The following ENOX2 variants were observed in gnomAD, a reference collection of about 807,000 sequenced individuals.
The protein encoded by ENOX2 is ecto-NOX disulfide-thiol exchanger 2.
A neutral mutation model predicts 45.0 loss-of-function variants in ENOX2; 36 were observed. The ratio of observed to expected loss-of-function variants is 0.80; its 90% CI spans 0.61 to 1.06. The LOEUF is 1.06. Ranked by LOEUF, ENOX2 falls within the 50% of genes least tolerant of loss-of-function variation. ENOX2 has a pLI of 0.00. For synonymous variants in ENOX2, 174 were observed against 152.3 expected (o/e 1.14, Z -1.05); for missense variants, 423 against 462.5 (o/e 0.91, Z 0.78).
intron 2 of ENOX2, among the ~76,000 whole-genome samples, chrX:130,813,028 T>A (rs2077418750): frequency 1.8e-5 from 2 of 112,255 alleles, no homozygotes; most frequent in Admixed American, 9.4e-5. Context: ...AAATGCTCAT[T>A]GGAGTATTTC....
intron 2 of ENOX2, among the ~76,000 whole-genome samples, chrX:130,889,201 G>A (rs1371846911): frequency 8.9e-6 from 1 of 111,739 alleles, no homozygotes; most frequent in Non-Finnish European, 1.9e-5. Context: ...GGGATCTTTG[G>A]TTCAGCCAAA....
intron 2 of ENOX2, among the ~76,000 whole-genome samples, chrX:130,822,090 A>G (rs746447742): frequency 3.3e-3 from 350 of 106,544 alleles, no homozygotes; most frequent in African/African-American, 0.011. Context: ...AAAAAAAAAA[A>G]AGAGAGAGAA....
chrX:130,637,156 G>T, intron 11 of ENOX2, 73 bp downstream of exon 11: 3 of 826,266 alleles, frequency 3.6e-6, no homozygotes, highest in East Asian at 3.1e-5. Flanking sequence ...CAATTTGATT[G>T]CAGGGGACCC....
chrX:130,851,641 T>G (rs2078212902), intron 2 of ENOX2, among the ~76,000 whole-genome samples: 1 of 111,447 alleles, frequency 9.0e-6, no homozygotes, highest in Admixed American at 9.5e-5. Flanking sequence ...AATGACATCT[T>G]AGGGAAAAGG....
intron 3 of ENOX2, among the ~76,000 whole-genome samples, chrX:130,754,674 A>C (rs1170543918): frequency 9.0e-6 from 1 of 110,973 alleles, no homozygotes; most frequent in Non-Finnish European, 1.9e-5. Flanking sequence ...CTTATAAGTG[A>C]GAGCTAAACA....
chrX:130,854,741 T>A (rs2078276981), intron 2 of ENOX2, among the ~76,000 whole-genome samples: 1 of 111,711 alleles, frequency 9.0e-6, no homozygotes, highest in Admixed American at 9.5e-5. Flanking sequence ...TTGAGGCTTA[T>A]TACAGGGATG....
intron 6 of ENOX2, among the ~76,000 whole-genome samples, chrX:130,673,100 C>T (rs2037032998): frequency 8.9e-6 from 1 of 112,270 alleles, no homozygotes; most frequent in Admixed American, 9.4e-5. Context: ...TTAAACTGCA[C>T]AGCACAATAG....
chrX:130,872,032 C>T (rs1569326728), intron 2 of ENOX2, among the ~76,000 whole-genome samples: 1 of 111,996 alleles, frequency 8.9e-6, no homozygotes. Context: ...TCCTTCCCCA[C>T]CCACTCTGCT....
intron 2 of ENOX2, among the ~76,000 whole-genome samples, chrX:130,792,622 G>A (rs373824724): frequency 2.0e-4 from 22 of 110,711 alleles, no homozygotes; most frequent in Admixed American, 1.6e-3. Context: ...GTGAAACCCC[G>A]TCTCTACTAA....
chrX:130,632,375 G>A (rs1386009170), intron 12 of ENOX2, among the ~76,000 whole-genome samples: 6 of 51,440 alleles, frequency 1.2e-4, no homozygotes, highest in African/African-American at 4.0e-4. Flanking sequence ...GGGGGGGGGG[G>A]GTGGTCCTAA....
At chrX:130,759,183 A>G (rs916970312) in intron 3 of ENOX2, among the ~76,000 whole-genome samples, 15 of 111,391 alleles carry the variant, frequency 1.3e-4, no homozygotes, top group African/African-American at 4.2e-4. Flanking sequence ...TTATAATTTT[A>G]TATTTTAAAT....
chrX:130,887,028 G>A (rs866277796), intron 2 of ENOX2, among the ~76,000 whole-genome samples: 9 of 111,809 alleles, frequency 8.0e-5, no homozygotes, highest in South Asian at 3.8e-4. Flanking sequence ...AACAGAAAAC[G>A]CAGATTTTAT....
intron 2 of ENOX2, among the ~76,000 whole-genome samples, chrX:130,899,571 A>T (rs886230661): frequency 8.9e-6 from 1 of 112,133 alleles, no homozygotes; most frequent in Non-Finnish European, 1.9e-5. Flanking sequence ...GCGTGCATTC[A>T]TGTATGTTGG....
At chrX:130,900,720 T>C (rs149212919) in intron 2 of ENOX2, among the ~76,000 whole-genome samples, 5,726 of 112,040 alleles carry the variant, frequency 0.051, 170 homozygotes, top group Non-Finnish European at 0.075. Context: ...CACCTCCTCA[T>C]GGAAGCCTTC....
intron 2 of ENOX2, among the ~76,000 whole-genome samples, chrX:130,871,709 C>T (rs1256411525): frequency 4.5e-5 from 5 of 110,826 alleles, no homozygotes; most frequent in Non-Finnish European, 7.6e-5. Context: ...TTTTGAAAGT[C>T]CCTCCCCATA....
chrX:130,870,693 T>C (rs2078564505), intron 2 of ENOX2, among the ~76,000 whole-genome samples: 1 of 111,693 alleles, frequency 9.0e-6, no homozygotes, highest in Non-Finnish European at 1.9e-5. Flanking sequence ...ACACACACCT[T>C]GCCAATTGCT....
At chrX:130,641,027 G>T (rs2036066117) in intron 10 of ENOX2, among the ~76,000 whole-genome samples, 1 of 110,552 alleles carries the variant, frequency 9.0e-6, no homozygotes, top group Non-Finnish European at 1.9e-5. Context: ...GGAAGGAGAA[G>T]AAAGAAAGAA....
At chrX:130,630,813 C>G in intron 13 of ENOX2, among the ~76,000 whole-genome samples, 1 of 111,146 alleles carries the variant, frequency 9.0e-6, no homozygotes, top group Admixed American at 9.5e-5. Flanking sequence ...TCTTCCAGGA[C>G]TGAGCCCTTA....
At chrX:130,819,322 C>T (rs2077550184) in intron 2 of ENOX2, among the ~76,000 whole-genome samples, 2 of 111,583 alleles carry the variant, frequency 1.8e-5, no homozygotes, top group South Asian at 3.7e-4. Flanking sequence ...TGTGGCAATT[C>T]CTCGAGGACC....
Sources: gnomAD v4.1 joint callset for allele counts (sites outside exome capture counted in the v4.1 genomes callset) on GRCh38, gnomAD v4.1.1 for gene constraint, MANE v1.5 for transcripts, NCBI Gene and HGNC (gene_info 2026-07-23, HGNC 2026-07-21) for gene names.